Variants in SPEN observed in about 807,000 individuals in gnomAD.
The protein encoded by SPEN is spen family transcriptional repressor.
In SPEN, 18 loss-of-function variants were observed where a neutral mutation model predicts 269.9. The ratio of observed to expected loss-of-function variants is 0.07; its 90% CI spans 0.05 to 0.10. SPEN has a LOEUF of 0.10. SPEN is among the 10% of genes least tolerant of loss of function. The pLI, the probability that SPEN is intolerant of heterozygous loss-of-function variation, is 1.00. For synonymous variants in SPEN, 1,726 were observed against 1,765.7 expected, an observed-to-expected ratio of 0.98 and a Z score of 0.56; for missense variants, 3,822 against 4,631.2, an observed-to-expected ratio of 0.83 and a Z score of 5.07.
intron 1 of SPEN, among the ~76,000 whole-genome samples, chr1:15,854,430 G>A (rs1266558984): frequency 6.6e-6 from 1 of 151,988 alleles, no homozygotes; most frequent in African/African-American, 2.4e-5. Flanking sequence ...TGAAAATAGT[G>A]TACTCCTCTG....
chr1:15,894,568 G>A (rs1001179201), intron 3 of SPEN, among the ~76,000 whole-genome samples: 2 of 129,574 alleles, frequency 1.5e-5, no homozygotes, highest in African/African-American at 6.7e-5. Context: ...TTGAGACGGA[G>A]TCTCGCTCTT....
chr1:15,901,581 C>T (rs1003866696), intron 3 of SPEN, among the ~76,000 whole-genome samples: 2 of 142,164 alleles, frequency 1.4e-5, no homozygotes, highest in South Asian at 2.3e-4. Flanking sequence ...ACCTGGGGAT[C>T]GGAAGTTGCA....
chr1:15,871,617 C>T (rs1294572894), intron 1 of SPEN, among the ~76,000 whole-genome samples: 1 of 151,870 alleles, frequency 6.6e-6, no homozygotes, highest in Non-Finnish European at 1.5e-5. Flanking sequence ...TTAATTGTAC[C>T]TATATTATAA....
intron 3 of SPEN, among the ~76,000 whole-genome samples, chr1:15,885,630 A>G (rs1426042127): frequency 6.6e-6 from 1 of 152,228 alleles, no homozygotes; most frequent in African/African-American, 2.4e-5. Flanking sequence ...CAGGCATATT[A>G]GTGTCTGTAA....
intron 4 of SPEN, among the ~76,000 whole-genome samples, chr1:15,910,089 A>G (rs1294367030): frequency 7.1e-6 from 1 of 140,844 alleles, no homozygotes; most frequent in African/African-American, 2.7e-5. Context: ...AGGCCACTGC[A>G]CTCCAGCCTG....
In SPEN at chr1:15,935,585, A is replaced by G. The variant is rs762783182; in HGVS notation, c.9345A>G (p.Glu3115=). 6.2e-7 allele frequency: 1 copy of G among 1,614,076 alleles called. No homozygotes were observed. The highest frequency in any genetic ancestry group is 1.7e-5 in the Admixed American group (1 of 60,016). The change falls in exon 11 of 15, where the codon GAA becomes GAG. Residue 3115 remains glutamate (E), a synonymous_variant. Transcript: ENST00000375759. The surrounding 1 kb of genome is among the most constrained non-coding windows in gnomAD (Gnocchi z 7.7). The part of the protein sequence containing the change: ...LPSITYSIRP[E]ALHSPRAPLQ... ...GTATCACCTACAGCATCCGGCCAGA[A>G]GCGCTTCACTCTCCTCGGGCTCCGC...
At chr1:15,899,687 C>T (rs1488267556) in intron 3 of SPEN, among the ~76,000 whole-genome samples, 1 of 151,454 alleles carries the variant, frequency 6.6e-6, no homozygotes, top group Non-Finnish European at 1.5e-5. Context: ...ATTTGCGTTT[C>T]CCTAATTATT....
intron 1 of SPEN, among the ~76,000 whole-genome samples, chr1:15,857,884 CT>C (rs1401955182): frequency 6.6e-6 from 1 of 151,782 alleles, no homozygotes; most frequent in Non-Finnish European, 1.5e-5. Context: ...AATCCCAGCA[CT>C]TTGGGAGGCC....
chr1:15,898,558 C>CTTTTTTTTTTTTTT (rs375319827), intron 3 of SPEN, among the ~76,000 whole-genome samples: 7 of 131,978 alleles, frequency 5.3e-5, no homozygotes, highest in East Asian at 2.1e-4. Context: ...TTCTTTTTTT[C>CTTTTTTTTTTTTTT]TTTTTTTTTT....
At chr1:15,856,147 AC>A (rs1465781188) in intron 1 of SPEN, among the ~76,000 whole-genome samples, 4 of 150,790 alleles carry the variant, frequency 2.7e-5, no homozygotes, top group African/African-American at 7.3e-5. Context: ...CTGCCACCAC[AC>A]CCGGCTAATT....
At position 15,919,517 on chromosome 1, in the gene SPEN, G is replaced by A; in HGVS notation, c.1635G>A (p.Lys545=). The change falls in exon 8 of 15, where the codon AAG becomes AAA. Residue 545 remains lysine (K), a splice_region_variant and synonymous_variant. Transcript: ENST00000375759. ...RHFCRYGPVV[K]VVFDRLKGMA... is the part of the protein sequence containing the mutation. ...TCTGCCGATATGGGCCTGTGGTAAAGGTAGGCGGGAGGTTTTGGTATGTGG... is the reference window on the plus strand; with the variant it reads ...TCTGCCGATATGGGCCTGTGGTAAAAGTAGGCGGGAGGTTTTGGTATGTGG... 1 of 1,582,724 alleles carries A rather than the reference G, an allele frequency of 6.3e-7. No individual in the cohort carries two copies. Among genetic ancestry groups the A allele is most frequent in the East Asian group, 2.3e-5 (1 of 43,462 alleles).
At position 15,929,482 on chromosome 1, in the gene SPEN, G is replaced by A. The variant is rs1244932131; in HGVS notation, c.3242G>A (p.Ser1081Asn). The A allele has an allele frequency of 6.2e-7, 1 of 1,613,498 alleles. No individual in the cohort carries two copies. ...TCTGTTGGGTCTGGCTCAAGGCCCA[G>A]CTCAGACCTACAAGCAAGACTGGGA... ...SISVGSGSRPSSDLQARLGEL... is the reference protein window; with the variant it reads ...SISVGSGSRPNSDLQARLGEL... The change falls in exon 11 of 15, where the codon AGC (serine) becomes AAC (asparagine). Residue 1081 changes from serine (S) to asparagine (N), a missense_variant. This residue lies in a region of SPEN where 572 missense variants were observed against 582.6 expected (regional missense o/e 0.98). Transcript: ENST00000375759. The surrounding 1 kb of genome is among the most constrained non-coding windows in gnomAD (Gnocchi z 5.8).
At position 15,929,725 on chromosome 1, in the gene SPEN, A is replaced by G; in HGVS notation, c.3485A>G (p.Asp1162Gly). Residue 1162 changes from aspartate (D) to glycine (G), a missense_variant, in exon 11 of 15, where the codon GAC becomes GGC. This residue lies in a region of SPEN where 46 missense variants were observed against 94.0 expected (regional missense o/e 0.49). Coordinates refer to ENST00000375759, the MANE Select transcript of SPEN (RefSeq NM_015001.3). This position sits in a 1 kb window ranked among gnomAD's most constrained non-coding sequence, Gnocchi z 5.8. ...SVNTEEKIGI[D>G]IDHTQSYRKQ... ...AATACTGAAGAAAAAATTGGCATTGACATCGATCACACGCAGAGTTACCGA... is the reference window on the plus strand; with the variant it reads ...AATACTGAAGAAAAAATTGGCATTGGCATCGATCACACGCAGAGTTACCGA... 1.2e-6 allele frequency: 2 copies of G among 1,614,176 alleles called. No individual in the cohort carries two copies. Among genetic ancestry groups the G allele is most frequent in the Non-Finnish European group, 1.7e-6 (2 of 1,179,990 alleles).
chr1:15,877,243 C>G (rs2070640992), intron 3 of SPEN, among the ~76,000 whole-genome samples: 1 of 152,128 alleles, frequency 6.6e-6, no homozygotes, highest in African/African-American at 2.4e-5. Context: ...GTAAACTGAT[C>G]TCACTAGTTG....
intron 3 of SPEN, among the ~76,000 whole-genome samples, chr1:15,896,837 G>T (rs906691504): frequency 2.0e-5 from 3 of 152,146 alleles, no homozygotes; most frequent in Non-Finnish European, 4.4e-5. Flanking sequence ...GTGTGGTGGC[G>T]CATGCCTGTT....
intron 2 of SPEN, chr1:15,874,161 T>A: frequency 2.2e-6 from 3 of 1,366,412 alleles, no homozygotes; most frequent in Non-Finnish European, 2.9e-6. Flanking sequence ...AAGAAAGAAG[T>A]CTGGGGGTTT....
intron 1 of SPEN, among the ~76,000 whole-genome samples, chr1:15,849,813 G>A (rs1378909871): frequency 6.6e-5 from 10 of 152,198 alleles, no homozygotes; most frequent in African/African-American, 2.2e-4. Context: ...TACATTATTG[G>A]AGTGGAAAAA....
At chr1:15,911,376 A>G in intron 5 of SPEN, 75 bp downstream of exon 5, 15 of 1,213,510 alleles carry the variant, frequency 1.2e-5, no homozygotes, top group Non-Finnish European at 1.7e-5. Flanking sequence ...AGAGGGCAGC[A>G]TATGATCCTG....
intron 3 of SPEN, among the ~76,000 whole-genome samples, chr1:15,889,424 C>T (rs643373): frequency 0.11 from 16,136 of 152,114 alleles, 1,232 homozygotes; most frequent in Admixed American, 0.23. Context: ...CCTCAACCTC[C>T]CAAAGTGCTG....
Sources: allele counts gnomAD v4.1 joint callset (sites outside exome capture counted in the v4.1 genomes callset), GRCh38; gene constraint gnomAD v4.1.1; regional missense constraint gnomAD v4.1.1; non-coding constraint Gnocchi (gnomAD v3.1); transcripts MANE v1.5; gene names NCBI Gene and HGNC (gene_info 2026-07-23, HGNC 2026-07-21).